DGKB: variants seen among roughly 807,000 people sequenced by gnomAD.
The protein encoded by DGKB is 90 kDa diacylglycerol kinase.
A neutral mutation model predicts 114.3 loss-of-function variants in DGKB; 67 were observed. The observed-to-expected ratio is 0.59, with a 90% CI of 0.48 to 0.72. The LOEUF (loss-of-function observed/expected upper bound fraction) is 0.72. Among genes scored for constraint, DGKB ranks in the 30% least tolerant of loss-of-function variants. The probability of loss-of-function intolerance (pLI) is 0.00; values close to 1 mark genes in which losing one functional copy is unlikely to be tolerated. For synonymous variants in DGKB, 398 were observed against 323.1 expected (o/e 1.23, Z -2.49); for missense variants, 907 against 975.2 (o/e 0.93, Z 0.93).
chr7:14,349,394 G>A (rs547860245), intron 21 of DGKB, among the ~76,000 whole-genome samples: 3 of 152,144 alleles, frequency 2.0e-5, no homozygotes, highest in East Asian at 1.9e-4. Flanking sequence ...ATATATATAC[G>A]AGGTTTTGGC....
chr7:14,514,504 A>G (rs1788470205), intron 20 of DGKB, among the ~76,000 whole-genome samples: 1 of 152,162 alleles, frequency 6.6e-6, no homozygotes, highest in Non-Finnish European at 1.5e-5. Context: ...TTTTATTGTA[A>G]CTGCAAATAA....
chr7:14,212,036 A>G (rs201298087), intron 23 of DGKB, among the ~76,000 whole-genome samples: 338 of 33,180 alleles, frequency 0.01, 18 homozygotes, highest in Middle Eastern at 0.018. Context: ...ATTTACTCTC[A>G]TGTTTTGTGA....
At chr7:14,353,853 T>C (rs947274011) in intron 21 of DGKB, among the ~76,000 whole-genome samples, 5 of 152,214 alleles carry the variant, frequency 3.3e-5, no homozygotes, top group African/African-American at 4.8e-5. Context: ...GATATGCAGA[T>C]ATCACTGAAT....
chr7:14,688,565 C>G (rs558131835), intron 9 of DGKB, among the ~76,000 whole-genome samples: 1 of 152,242 alleles, frequency 6.6e-6, no homozygotes, highest in Non-Finnish European at 1.5e-5. Context: ...TAAAATTTCA[C>G]TTTATTTCAT....
chr7:14,371,300 G>A (rs986620024), intron 21 of DGKB, among the ~76,000 whole-genome samples: 1 of 152,130 alleles, frequency 6.6e-6, no homozygotes, highest in South Asian at 2.1e-4. Context: ...GTATAAGCAA[G>A]CATTCCCTTT....
chr7:14,153,915 T>G (rs1782591038), intron 25 of DGKB, among the ~76,000 whole-genome samples: 1 of 152,074 alleles, frequency 6.6e-6, no homozygotes, highest in Non-Finnish European at 1.5e-5. Context: ...TTGATTAACT[T>G]CAAGGGTAGA....
intron 2 of DGKB, among the ~76,000 whole-genome samples, chr7:14,763,640 C>T (rs1441687883): frequency 1.3e-5 from 2 of 152,002 alleles, no homozygotes; most frequent in Non-Finnish European, 2.9e-5. Flanking sequence ...GCTAAAATCA[C>T]ACAGCCAAAA....
upstream of DGKB, among the ~76,000 whole-genome samples, chr7:14,906,185 C>A (rs1403308912): frequency 1.3e-5 from 2 of 151,880 alleles, no homozygotes; most frequent in African/African-American, 4.8e-5. Context: ...TAAATCCCTA[C>A]CTAGTCTTGT....
intron 21 of DGKB, among the ~76,000 whole-genome samples, chr7:14,464,346 G>T (rs2128875098): frequency 6.6e-6 from 1 of 152,024 alleles, no homozygotes; most frequent in East Asian, 1.9e-4. Flanking sequence ...AATGACTTTT[G>T]TAATTTAAAT....
At chr7:14,484,520 C>G (rs956933214) in intron 20 of DGKB, among the ~76,000 whole-genome samples, 1 of 152,188 alleles carries the variant, frequency 6.6e-6, no homozygotes, top group African/African-American at 2.4e-5. Context: ...CCTCTTGCTC[C>G]TGCTATTGCC....
At chr7:14,186,839 A>G (rs2128260732) in intron 23 of DGKB, among the ~76,000 whole-genome samples, 1 of 152,260 alleles carries the variant, frequency 6.6e-6, no homozygotes, top group Middle Eastern at 3.4e-3. Context: ...AGGCATAAGG[A>G]TGATACAGTA....
At chr7:14,626,695 T>G (rs1422151299) in intron 14 of DGKB, among the ~76,000 whole-genome samples, 3 of 152,206 alleles carry the variant, frequency 2.0e-5, no homozygotes, top group Non-Finnish European at 4.4e-5. Context: ...TGATGAAGGC[T>G]CTAAATCTAT....
At chr7:14,347,159 G>C (rs949969737) in intron 21 of DGKB, among the ~76,000 whole-genome samples, 7 of 151,946 alleles carry the variant, frequency 4.6e-5, no homozygotes, top group African/African-American at 1.7e-4. Context: ...GGACATGTGA[G>C]GCCCACTGGG....
Position 14,374,024 on chromosome 7 carries a change from C to CT in DGKB, c.1836-28634_1836-28633insA, listed in dbSNP as rs369419889. On this transcript the variant is annotated intron_variant, in intron 21 of 25. Transcript: ENST00000402815. The stretch of plus-strand genomic sequence containing the variant: ...CCCTTCCTGAAAGATCTAAGACAGT[C>CT]ACAGAGCAGCTCATGCTCTCCTCTT... Among the ~76,000 whole-genome samples, 23 of 152,202 alleles carry CT rather than the reference C, an allele frequency of 1.5e-4. No individual in the cohort carries two copies. The East Asian group carries it at 4.5e-3, about 29-fold the overall frequency.
intron 20 of DGKB, among the ~76,000 whole-genome samples, chr7:14,502,573 C>A (rs771614472): frequency 1.3e-5 from 2 of 151,980 alleles, no homozygotes; most frequent in Non-Finnish European, 2.9e-5. Flanking sequence ...GTACTTTTGG[C>A]AATAATTAGT....
intron 23 of DGKB, among the ~76,000 whole-genome samples, chr7:14,274,502 C>T (rs1248462185): frequency 3.3e-5 from 5 of 152,012 alleles, no homozygotes; most frequent in Non-Finnish European, 5.9e-5. Context: ...GATACCTTTC[C>T]GCATTAACAT....
intron 21 of DGKB, among the ~76,000 whole-genome samples, chr7:14,474,210 T>C (rs968503717): frequency 1.1e-4 from 16 of 152,142 alleles, no homozygotes; most frequent in African/African-American, 3.6e-4. Flanking sequence ...GTTTTTCCCA[T>C]GCTGTTCTTA....
intron 14 of DGKB, among the ~76,000 whole-genome samples, chr7:14,621,733 C>A (rs1277430040): frequency 1.3e-5 from 2 of 151,890 alleles, no homozygotes; most frequent in East Asian, 1.9e-4. Flanking sequence ...ATTGTATTAT[C>A]CCTATGTGCC....
chr7:14,559,001 G>A (rs1009999549), intron 20 of DGKB, among the ~76,000 whole-genome samples: 1 of 152,170 alleles, frequency 6.6e-6, no homozygotes, highest in African/African-American at 2.4e-5. Flanking sequence ...TCACCTGCAT[G>A]TCCCTATTTT....
Sources: allele counts gnomAD v4.1 joint callset (sites outside exome capture counted in the v4.1 genomes callset), GRCh38; gene constraint gnomAD v4.1.1; transcripts MANE v1.5; gene names NCBI Gene and HGNC (gene_info 2026-07-23, HGNC 2026-07-21).